The following ATG16L1 variants were observed in gnomAD, a reference collection of about 807,000 sequenced individuals.
ATG16L1 encodes autophagy-related protein 16-1.
A neutral mutation model predicts 88.5 loss-of-function variants in ATG16L1; 37 were observed. That is an observed-to-expected ratio of 0.42 (90% CI 0.32 to 0.55). ATG16L1 has a LOEUF of 0.55. Among genes scored for constraint, ATG16L1 ranks in the 20% least tolerant of loss-of-function variants. ATG16L1 has a pLI of 0.13. For synonymous variants in ATG16L1, 301 were observed against 281.0 expected, an observed-to-expected ratio of 1.07 and a Z score of -0.71; for missense variants, 554 against 752.8, an observed-to-expected ratio of 0.74 and a Z score of 3.09.
chr2:233,291,582 G>A (rs1210494899), intron 14 of ATG16L1, among the ~76,000 whole-genome samples: 2 of 152,176 alleles, frequency 1.3e-5, no homozygotes, highest in Non-Finnish European at 2.9e-5. Context: ...CAGGGTGGCT[G>A]TTAGCCACCC....
At chr2:233,271,671 G>C (rs1220652776) in intron 6 of ATG16L1, among the ~76,000 whole-genome samples, 1 of 152,244 alleles carries the variant, frequency 6.6e-6, no homozygotes, top group Non-Finnish European at 1.5e-5. Context: ...GCAAATGCTA[G>C]TGTTTTCTTG....
rs1483843210 is a variant in ATG16L1, at chr2:233,277,506, C to G, written c.955-62C>G. On this transcript the variant is annotated intron_variant, in intron 9 of 17. Coordinates refer to ENST00000392017, the MANE Select transcript of ATG16L1 (RefSeq NM_030803.7). ...CCATGAATTAGGCATTTGGAGTGTT[C>G]GCGCATCTTGAGCTCTTGGGATGAG... 7 of 1,472,058 alleles carry G rather than the reference C, an allele frequency of 4.8e-6. No individual in the cohort carries two copies. In the South Asian group the frequency reaches 6.8e-5, roughly 14 times the overall value. 91.2% of individuals were successfully genotyped at this position (1,472,058 alleles called of 1,614,324 possible). A position where few individuals can be genotyped will look rare whatever the true frequency, so the allele number is the denominator to read the frequency against.
chr2:233,252,319 T>C (rs1313210192), intron 1 of ATG16L1, among the ~76,000 whole-genome samples: 1 of 152,204 alleles, frequency 6.6e-6, no homozygotes, highest in Admixed American at 6.5e-5. Flanking sequence ...CTCAATGCAC[T>C]GGAACGGGTG....
intron 5 of ATG16L1, among the ~76,000 whole-genome samples, chr2:233,268,452 CT>C (rs745480969): frequency 2.6e-5 from 4 of 152,164 alleles, no homozygotes; most frequent in Admixed American, 6.5e-5. Flanking sequence ...GAGAGAGACT[CT>C]GTTTGAGCTA....
chr2:233,273,613 C>G (rs1329752173), intron 7 of ATG16L1, 108 bp from the exon 8 acceptor site: 10 of 1,070,576 alleles, frequency 9.3e-6, no homozygotes, highest in Non-Finnish European at 1.4e-5. Flanking sequence ...GGTTTGGGAA[C>G]TAAGTGGGAA....
chr2:233,290,770 T>C (rs535579888), intron 14 of ATG16L1, among the ~76,000 whole-genome samples: 1 of 152,264 alleles, frequency 6.6e-6, no homozygotes, highest in African/African-American at 2.4e-5. Context: ...GGAAAGCCAC[T>C]CAAACTTTTG....
At chr2:233,280,957 C>A in intron 10 of ATG16L1, 148 bp from the exon 11 acceptor site, 1 of 543,630 alleles carries the variant, frequency 1.8e-6, no homozygotes. Flanking sequence ...TTCTCTTTGT[C>A]CTGCTATTTT....
At chr2:233,264,123 T>C (rs2125224388) in intron 4 of ATG16L1, 58 bp downstream of exon 4, 1 of 1,582,618 alleles carries the variant, frequency 6.3e-7, no homozygotes, top group African/African-American at 1.3e-5. Context: ...TCCTTTGTTC[T>C]GCTGACCTCT....
chr2:233,286,621 C>CTTTTTT (rs10676895), intron 12 of ATG16L1, among the ~76,000 whole-genome samples: 33 of 93,288 alleles, frequency 3.5e-4, no homozygotes, highest in African/African-American at 6.5e-4. Flanking sequence ...GAAGCCCAAA[C>CTTTTTT]TTTTTTTTTT....
At chr2:233,257,878 G>A (rs182772696) in intron 2 of ATG16L1, among the ~76,000 whole-genome samples, 1,879 of 151,906 alleles carry the variant, frequency 0.012, 15 homozygotes, top group East Asian at 0.027. Flanking sequence ...GGTGGCGGGC[G>A]CCTGTAATCC....
chr2:233,286,531 CT>C (rs1333217734), intron 12 of ATG16L1, among the ~76,000 whole-genome samples: 1 of 151,506 alleles, frequency 6.6e-6, no homozygotes, highest in Admixed American at 6.6e-5. Context: ...GGAGGCCCAG[CT>C]CTATACCATT....
intron 3 of ATG16L1, 104 bp from the exon 4 acceptor site, chr2:233,263,888 C>T (rs953787438): frequency 6.0e-5 from 67 of 1,125,902 alleles, no homozygotes; most frequent in Non-Finnish European, 7.9e-5. Flanking sequence ...TGCTGTCACC[C>T]AGCTCATTTA....
chr2:233,276,619 T>C (rs956133594), intron 9 of ATG16L1, among the ~76,000 whole-genome samples: 2 of 152,126 alleles, frequency 1.3e-5, no homozygotes, highest in African/African-American at 4.8e-5. Flanking sequence ...ACAATAGGTA[T>C]GCGCTACCAC....
chr2:233,291,664 C>A (rs1219796551), intron 14 of ATG16L1, among the ~76,000 whole-genome samples: 1 of 152,130 alleles, frequency 6.6e-6, no homozygotes, highest in East Asian at 1.9e-4. Context: ...GCTTTCCTGG[C>A]CCCATATCTG....
chr2:233,282,754 G>T lies in ATG16L1; in HGVS notation c.1203+1G>T. The T allele has an allele frequency of 6.2e-7, 1 of 1,613,684 alleles. No homozygotes were observed. Among genetic ancestry groups the T allele is most frequent in the Non-Finnish European group, 8.5e-7 (1 of 1,179,656 alleles). ...GACTGTGGATGATTATCGATTACGGGTAAGACCCAGTTAAGAAAGTTAGTG... is the reference window on the plus strand; with the variant it reads ...GACTGTGGATGATTATCGATTACGGTTAAGACCCAGTTAAGAAAGTTAGTG... On this transcript the variant is annotated splice_donor_variant, in intron 12 of 17. Coordinates refer to ENST00000392017, the MANE Select transcript of ATG16L1 (RefSeq NM_030803.7). LOFTEE classifies it high-confidence loss of function.
In ATG16L1 at chr2:233,254,253, A is replaced by G. The variant is rs191287266; in HGVS notation, c.116-1849A>G. ...TTTAAAGGGTGCTAGAGTAGCGAGTAATACCTGCCTGAGGGACCAGGACAG... is the reference window on the plus strand; with the variant it reads ...TTTAAAGGGTGCTAGAGTAGCGAGTGATACCTGCCTGAGGGACCAGGACAG... On this transcript the variant is annotated intron_variant, in intron 1 of 17. Transcript: ENST00000392017. Among the ~76,000 whole-genome samples the G allele has an allele frequency of 1.3e-3, 198 of 152,342 alleles. 2 individuals carry two copies. Among genetic ancestry groups the G allele is most frequent in the Non-Finnish European group, 2.1e-3 (146 of 68,028 alleles).
intron 2 of ATG16L1, among the ~76,000 whole-genome samples, chr2:233,260,818 AT>A (rs1697156127): frequency 1.3e-5 from 2 of 151,940 alleles, no homozygotes; most frequent in African/African-American, 2.4e-5. Flanking sequence ...TTCCTAGGAG[AT>A]TCCTACTTTA....
At chr2:233,261,003 TG>T (rs904269588) in intron 2 of ATG16L1, among the ~76,000 whole-genome samples, 3 of 152,240 alleles carry the variant, frequency 2.0e-5, no homozygotes, top group African/African-American at 7.2e-5. Flanking sequence ...TCGCCCAGGC[TG>T]GAGGGCAGTG....
At chr2:233,276,020 C>A (rs182555598) in intron 9 of ATG16L1, 4 of 504,114 alleles carry the variant, frequency 7.9e-6, no homozygotes, top group South Asian at 2.8e-5. Flanking sequence ...GAGAAAGAAA[C>A]CATAAAAAAG....
Sources: gnomAD v4.1 joint callset for allele counts (sites outside exome capture counted in the v4.1 genomes callset) on GRCh38, gnomAD v4.1.1 for gene constraint, MANE v1.5 for transcripts, NCBI Gene and HGNC (gene_info 2026-07-23, HGNC 2026-07-21) for gene names.